PDE9A: variants seen among roughly 807,000 people sequenced by gnomAD.
PDE9A encodes phosphodiesterase 9A, also known as high affinity cGMP-specific 3',5'-cyclic phosphodiesterase 9A.
Under a neutral mutation model 87.4 loss-of-function variants are expected in PDE9A, and 60 were observed. That is an observed-to-expected ratio of 0.69 (90% CI 0.56 to 0.85). PDE9A has a LOEUF of 0.85. Among genes scored for constraint, PDE9A ranks in the 40% least tolerant of loss-of-function variants. The pLI is 0.00. For synonymous variants in PDE9A, 272 were observed against 279.4 expected, an observed-to-expected ratio of 0.97 and a Z score of 0.27; for missense variants, 665 against 779.0, an observed-to-expected ratio of 0.85 and a Z score of 1.74.
At chr21:42,733,499 G>A in intron 7 of PDE9A, 73 bp downstream of exon 7, 1 of 865,948 alleles carries the variant, frequency 1.2e-6, no homozygotes, top group Non-Finnish European at 2.0e-6. Context: ...CTTGGAACGG[G>A]GAGGAGTTCA....
At position 42,670,107 on chromosome 21, in the gene PDE9A, A is replaced by G. The variant is rs1030398080; in HGVS notation, c.70-16085A>G. On this transcript the variant is annotated intron_variant, in intron 1 of 19. Transcript: ENST00000291539. ...CACACATTCTCATACACTCACACAT[A>G]TGCTTACACACATTCACAGGCTCAC... 2.6e-5 allele frequency among the ~76,000 whole-genome samples: 4 copies of G among 152,050 alleles called. No homozygotes were observed. In the East Asian group the frequency reaches 5.8e-4, roughly 22 times the overall value.
chr21:42,670,221 A>T lies in PDE9A; in HGVS notation c.70-15971A>T, dbSNP rs571764924. 5.6e-4 allele frequency among the ~76,000 whole-genome samples: 69 copies of T among 123,280 alleles called. No homozygotes were observed. The South Asian group carries it at 0.014, about 26-fold the overall frequency. 80.9% of individuals were successfully genotyped at this position (123,280 alleles called of 152,430 possible). On this transcript the variant is annotated intron_variant, in intron 1 of 19. Coordinates refer to ENST00000291539, the MANE Select transcript of PDE9A (RefSeq NM_002606.3). ...CACACACATACACTTACATTCACAC[A>T]CATACACTTACATTCACACTCATAC... is the stretch of plus-strand genomic sequence containing the variant.
chr21:42,690,702 C>T (rs957656513), intron 3 of PDE9A, among the ~76,000 whole-genome samples: 1 of 152,076 alleles, frequency 6.6e-6, no homozygotes, highest in Non-Finnish European at 1.5e-5. Flanking sequence ...CTGCCTCTCC[C>T]ACACGGCTGC....
intron 8 of PDE9A, among the ~76,000 whole-genome samples, chr21:42,746,810 G>T (rs2053900877): frequency 6.6e-6 from 1 of 152,216 alleles, no homozygotes; most frequent in Admixed American, 6.5e-5. Flanking sequence ...GGGCCCATCT[G>T]AGTAACGGAG....
chr21:42,672,654 G>A (rs1369107247), intron 1 of PDE9A, among the ~76,000 whole-genome samples: 1 of 152,240 alleles, frequency 6.6e-6, no homozygotes, highest in African/African-American at 2.4e-5. Context: ...TTTAGAAAAA[G>A]AGAAAACTGG....
chr21:42,674,333 T>TTTTTTTTTTTTTTTTTA (rs2058722828), intron 1 of PDE9A, among the ~76,000 whole-genome samples: 1 of 150,620 alleles, frequency 6.6e-6, no homozygotes, highest in African/African-American at 2.5e-5. Context: ...TTTTTTTTTT[T>TTTTTTTTTTTTTTTTTA]GAGACAGGGT....
intron 10 of PDE9A, among the ~76,000 whole-genome samples, chr21:42,755,235 A>C (rs2054906857): frequency 2.0e-5 from 3 of 152,382 alleles, no homozygotes; most frequent in Admixed American, 2.0e-4. Flanking sequence ...ATGTCTCTGC[A>C]AAGGGCAGAA....
rs2048485585 is a variant in PDE9A, at chr21:42,702,837, TC to T, written c.262+3827del. On this transcript the variant is annotated intron_variant, in intron 4 of 19. Coordinates refer to ENST00000291539, the MANE Select transcript of PDE9A (RefSeq NM_002606.3). This position sits in a 1 kb window ranked among gnomAD's most constrained non-coding sequence, Gnocchi z 4.9. ...AATGAAAGCGCCAGGGCCTTGAAGGTCGTTGCAAGGATGCTGGCTTTTATGC... is the reference window on the plus strand; with the variant it reads ...AATGAAAGCGCCAGGGCCTTGAAGGTGTTGCAAGGATGCTGGCTTTTATGC... 6.6e-6 allele frequency among the ~76,000 whole-genome samples: 1 copy of T among 152,144 alleles called. No homozygotes were observed. The highest frequency in any genetic ancestry group is 1.5e-5 in the Non-Finnish European group (1 of 68,026).
In PDE9A at chr21:42,769,068, C is replaced by T; in HGVS notation, c.1503C>T (p.Phe501=). Residue 501 remains phenylalanine, a synonymous_variant, in exon 17 of 20, where the codon TTC becomes TTT. Coordinates refer to ENST00000291539, the MANE Select transcript of PDE9A (RefSeq NM_002606.3). The part of the protein sequence containing the change: ...EKSEGLPVAP[F]MDRDKVTKAT... ...CAGAAGGCCTTCCTGTGGCACCGTT[C>T]ATGGACCGAGACAAAGTGACCAAGG... 1 of 1,613,788 alleles carries T rather than the reference C, an allele frequency of 6.2e-7. No individual in the cohort carries two copies. Among genetic ancestry groups the T allele is most frequent in the Non-Finnish European group, 8.5e-7 (1 of 1,179,722 alleles).
At chr21:42,703,674 C>G (rs556384646) in intron 4 of PDE9A, among the ~76,000 whole-genome samples, 1 of 152,230 alleles carries the variant, frequency 6.6e-6, no homozygotes, top group South Asian at 2.1e-4. Flanking sequence ...AACCAGCTGT[C>G]CTAAGGCCGG....
chr21:42,724,993 G>A (rs575591275), intron 4 of PDE9A, among the ~76,000 whole-genome samples: 3 of 152,292 alleles, frequency 2.0e-5, no homozygotes, highest in African/African-American at 4.8e-5. Flanking sequence ...AGGTTCACAC[G>A]CTGCTGTAAT....
At chr21:42,668,595 A>G (rs954610862) in intron 1 of PDE9A, among the ~76,000 whole-genome samples, 1 of 150,446 alleles carries the variant, frequency 6.6e-6, no homozygotes, top group African/African-American at 2.5e-5. Flanking sequence ...CCTGTGATCC[A>G]TTATTTATAA....
chr21:42,670,264 C>T (rs1472817433), intron 1 of PDE9A, among the ~76,000 whole-genome samples: 6 of 146,456 alleles, frequency 4.1e-5, no homozygotes, highest in Non-Finnish European at 7.6e-5. Context: ...TACATTCACA[C>T]ACATATTCAC....
chr21:42,698,497 G>A (rs549524832), intron 3 of PDE9A, among the ~76,000 whole-genome samples: 2 of 151,766 alleles, frequency 1.3e-5, no homozygotes, highest in African/African-American at 2.4e-5. Context: ...TCGTGATGAT[G>A]GGGGGAGGGG....
At chr21:42,725,075 A>G (rs1223015046) in intron 4 of PDE9A, among the ~76,000 whole-genome samples, 2 of 152,134 alleles carry the variant, frequency 1.3e-5, no homozygotes, top group Non-Finnish European at 2.9e-5. Flanking sequence ...CTCTAGCACA[A>G]TGTCACAGCC....
At chr21:42,664,929 T>C (rs973485700) in intron 1 of PDE9A, among the ~76,000 whole-genome samples, 4 of 152,268 alleles carry the variant, frequency 2.6e-5, no homozygotes, top group African/African-American at 9.6e-5. Flanking sequence ...AAAGTGGATT[T>C]CTGTGCTAAC....
intron 1 of PDE9A, among the ~76,000 whole-genome samples, chr21:42,665,103 G>C (rs988654307): frequency 1.3e-5 from 2 of 152,232 alleles, no homozygotes; most frequent in African/African-American, 4.8e-5. Context: ...AACGGAAGAC[G>C]TAGAGACAGA....
chr21:42,773,946 AC>A (rs2057288347), intron 19 of PDE9A, among the ~76,000 whole-genome samples: 1 of 150,488 alleles, frequency 6.6e-6, no homozygotes, highest in South Asian at 2.1e-4. Context: ...TACTAAAAAT[AC>A]AAAAAAAATT....
chr21:42,758,613 G>T (rs978985636), intron 10 of PDE9A: 1 of 207,632 alleles, frequency 4.8e-6, no homozygotes, highest in Non-Finnish European at 9.9e-6. Context: ...GATCCGCTGA[G>T]ATTGTTTTTC....
Sources: gnomAD v4.1 joint callset for allele counts (sites outside exome capture counted in the v4.1 genomes callset) on GRCh38, gnomAD v4.1.1 for gene constraint, Gnocchi (gnomAD v3.1) non-coding constraint, MANE v1.5 for transcripts, NCBI Gene and HGNC (gene_info 2026-07-23, HGNC 2026-07-21) for gene names.